Variants in EYS observed in about 807,000 individuals in gnomAD.
EYS encodes the protein protein eyes shut homolog.
Under a neutral mutation model 282.1 loss-of-function variants are expected in EYS, and 250 were observed. The ratio of observed to expected loss-of-function variants is 0.89; its 90% CI spans 0.80 to 0.98. The LOEUF is 0.98. Among genes scored for constraint, EYS ranks in the 50% least tolerant of loss-of-function variants. The pLI, the probability that EYS is intolerant of heterozygous loss-of-function variation, is 0.00. For synonymous variants in EYS, 1,355 were observed against 1,282.9 expected (o/e 1.06, Z -1.20); for missense variants, 4,016 against 3,709.0 (o/e 1.08, Z -2.15).
Position 64,485,073 on chromosome 6 carries a change from T to C in EYS, c.5645-45721A>G, listed in dbSNP as rs765815885. ...GGAATATGAAAGAAAAAACAAATAT[T>C]TGGGCCACAAAGTGGCCCCCAAAAA... On this transcript the variant is annotated intron_variant, in intron 26 of 42. Coordinates refer to ENST00000503581, the MANE Select transcript of EYS (RefSeq NM_001142800.2). 1.1e-3 allele frequency among the ~76,000 whole-genome samples: 161 copies of C among 151,680 alleles called. 1 individual carries two copies. The highest frequency in any genetic ancestry group is 1.5e-3 in the South Asian group (7 of 4,826).
rs60356470 is a variant in EYS at position 65,352,703 on chromosome 6, T to C, written c.1459+755A>G. On this transcript the variant is annotated intron_variant, in intron 9 of 42. Coordinates refer to ENST00000503581, the MANE Select transcript of EYS (RefSeq NM_001142800.2). ...TTATTACTCCAACCAACTCCCTAGC[T>C]TTTTTCCTTCTCTTCCATGTGTTTC... Among the ~76,000 whole-genome samples, 981 of 152,042 alleles carry C rather than the reference T, an allele frequency of 6.5e-3. 11 individuals are homozygous for C. The highest frequency in any genetic ancestry group is 0.022 in the African/African-American group (933 of 41,548).
At chr6:65,543,657 A>G (rs1768267474) in intron 2 of EYS, among the ~76,000 whole-genome samples, 1 of 151,962 alleles carries the variant, frequency 6.6e-6, no homozygotes, top group Non-Finnish European at 1.5e-5. Context: ...TCTCCCTATG[A>G]TTTAAAACCA....
chr6:64,996,967 G>A (rs1771284492), intron 14 of EYS, among the ~76,000 whole-genome samples: 1 of 152,172 alleles, frequency 6.6e-6, no homozygotes, highest in South Asian at 2.1e-4. Context: ...CAGTCAGTGA[G>A]TGAGTCCACC....
intron 31 of EYS, among the ~76,000 whole-genome samples, chr6:64,216,041 T>A (rs756102950): frequency 6.6e-6 from 1 of 152,172 alleles, no homozygotes; most frequent in African/African-American, 2.4e-5. Flanking sequence ...ATAATTAGAT[T>A]CTAGGTTTGG....
chr6:65,598,707 C>T (rs78485724), intron 2 of EYS, among the ~76,000 whole-genome samples: 2,332 of 152,210 alleles, frequency 0.015, 64 homozygotes, highest in African/African-American at 0.053. Context: ...CTTTCCAGTA[C>T]ATTGTCCATT....
chr6:65,449,866 T>C (rs9363362), intron 5 of EYS, among the ~76,000 whole-genome samples: 28,169 of 152,010 alleles, frequency 0.19, 3,266 homozygotes, highest in Middle Eastern at 0.3. Context: ...TTCCTGGTTT[T>C]TATTACAACC....
chr6:64,846,590 T>G (rs1765723549), intron 19 of EYS, among the ~76,000 whole-genome samples: 1 of 152,152 alleles, frequency 6.6e-6, no homozygotes, highest in African/African-American at 2.4e-5. Flanking sequence ...ATAATATTAT[T>G]CTCAAAAGAC....
intron 40 of EYS, among the ~76,000 whole-genome samples, chr6:63,771,797 G>A (rs1242130694): frequency 2.6e-5 from 4 of 151,406 alleles, no homozygotes; most frequent in Admixed American, 1.3e-4. Flanking sequence ...CAAAAAATGT[G>A]AGCTTATTTT....
At chr6:64,104,689 CTA>C (rs939148859) in intron 31 of EYS, among the ~76,000 whole-genome samples, 1 of 149,328 alleles carries the variant, frequency 6.7e-6, no homozygotes, top group Non-Finnish European at 1.5e-5. Flanking sequence ...GGTAATGTCT[CTA>C]TGAAAATGAG....
At chr6:65,501,165 A>G (rs1766438907) in intron 2 of EYS, among the ~76,000 whole-genome samples, 1 of 151,970 alleles carries the variant, frequency 6.6e-6, no homozygotes, top group Non-Finnish European at 1.5e-5. Flanking sequence ...TTCTGTAAGT[A>G]ATCTAGAATG....
intron 9 of EYS, among the ~76,000 whole-genome samples, chr6:65,344,732 G>C (rs940991148): frequency 2.6e-5 from 4 of 151,388 alleles, no homozygotes; most frequent in African/African-American, 9.7e-5. Context: ...GAGAGATTTT[G>C]AAATTGTAGG....
At chr6:64,661,639 T>C (rs1343509906) in intron 22 of EYS, among the ~76,000 whole-genome samples, 1 of 150,408 alleles carries the variant, frequency 6.6e-6, no homozygotes, top group Non-Finnish European at 1.5e-5. Flanking sequence ...AAAATGCTCA[T>C]CATCACTGGC....
chr6:65,492,936 T>C (rs1041999138), intron 4 of EYS, among the ~76,000 whole-genome samples: 1 of 152,204 alleles, frequency 6.6e-6, no homozygotes, highest in Non-Finnish European at 1.5e-5. Context: ...TTTTATTTTT[T>C]GAGACAGTCT....
At chr6:64,899,735 C>CA (rs957916625) in intron 18 of EYS, among the ~76,000 whole-genome samples, 13 of 151,700 alleles carry the variant, frequency 8.6e-5, no homozygotes, top group African/African-American at 2.9e-4. Context: ...AGAAAGGACA[C>CA]AAAAAAATGA....
chr6:63,976,813 G>A (rs1304634816), intron 35 of EYS, among the ~76,000 whole-genome samples: 1 of 151,940 alleles, frequency 6.6e-6, no homozygotes, highest in Non-Finnish European at 1.5e-5. Flanking sequence ...GTAGAGGGGA[G>A]TTTAGATTTT....
At chr6:65,678,390 C>T (rs1352684064) in intron 1 of EYS, among the ~76,000 whole-genome samples, 1 of 151,758 alleles carries the variant, frequency 6.6e-6, no homozygotes, top group East Asian at 1.9e-4. Flanking sequence ...TTTCACATGC[C>T]AAAGATATTC....
intron 22 of EYS, among the ~76,000 whole-genome samples, chr6:64,626,483 T>C (rs901909378): frequency 1.3e-5 from 2 of 152,286 alleles, no homozygotes; most frequent in Non-Finnish European, 2.9e-5. Context: ...CAGATTTAAT[T>C]AAGTATCTTG....
At chr6:64,778,892 A>T (rs190918905) in intron 22 of EYS, among the ~76,000 whole-genome samples, 1 of 152,314 alleles carries the variant, frequency 6.6e-6, no homozygotes, top group Admixed American at 6.5e-5. Flanking sequence ...GCAAATAAGC[A>T]TATGTAGCTA....
chr6:65,538,449 C>G (rs1210799207), intron 2 of EYS, among the ~76,000 whole-genome samples: 1 of 152,084 alleles, frequency 6.6e-6, no homozygotes, highest in Non-Finnish European at 1.5e-5. Context: ...CCCTTTGTAC[C>G]AGATCCTGTT....
Sources: gnomAD v4.1 joint callset for allele counts (sites outside exome capture counted in the v4.1 genomes callset) on GRCh38, gnomAD v4.1.1 for gene constraint, MANE v1.5 for transcripts, NCBI Gene and HGNC (gene_info 2026-07-23, HGNC 2026-07-21) for gene names.